Variants in EPHA6 observed in about 807,000 individuals in gnomAD.
EPHA6 encodes the protein EPH receptor A6.
A neutral mutation model predicts 112.0 loss-of-function variants in EPHA6; 50 were observed. The observed-to-expected ratio is 0.45, with a 90% CI of 0.36 to 0.56. EPHA6 has a LOEUF of 0.56. Ranked by LOEUF, EPHA6 falls within the 20% of genes least tolerant of loss-of-function variation. EPHA6 has a pLI of 0.00. For missense variants in EPHA6, 1,280 were observed against 1,417.4 expected, an observed-to-expected ratio of 0.90 and a Z score of 1.56; for synonymous variants, 529 against 490.7, an observed-to-expected ratio of 1.08 and a Z score of -1.03.
chr3:97,497,142 T>C (rs1486199482), intron 10 of EPHA6, among the ~76,000 whole-genome samples: 2 of 152,188 alleles, frequency 1.3e-5, no homozygotes, highest in African/African-American at 4.8e-5. Flanking sequence ...GTAAACCAGA[T>C]TGTGTCCCTC....
chr3:97,313,831 T>C (rs1229536219), intron 5 of EPHA6, among the ~76,000 whole-genome samples: 3 of 151,692 alleles, frequency 2.0e-5, no homozygotes, highest in East Asian at 3.9e-4. Flanking sequence ...CTGGATTGTC[T>C]CTTCACTCTA....
intron 5 of EPHA6, among the ~76,000 whole-genome samples, chr3:97,348,373 C>T (rs557543356): frequency 1.7e-4 from 26 of 151,948 alleles, no homozygotes; most frequent in East Asian, 5.8e-4. Context: ...CAAGTGAATG[C>T]GCATACATAT....
In EPHA6 at chr3:97,405,248, G is replaced by A. The variant is rs2109128333; in HGVS notation, c.1705G>A (p.Asp569Asn). The A allele has an allele frequency of 6.2e-7, 1 of 1,611,646 alleles. No individual in the cohort carries two copies. The highest frequency in any genetic ancestry group is 1.1e-5 in the South Asian group (1 of 90,608). The change falls in exon 6 of 18, where the codon GAC becomes AAC. Residue 569 changes from aspartate (D) to asparagine (N), a missense_variant. Coordinates refer to ENST00000389672, the MANE Select transcript of EPHA6 (RefSeq NM_001080448.3). ...TGCTTTTTCCAATGGAGCCATTCTG[G>A]ACTACGAGATCAAGTACTATGAGAA... ...APAFSNGAIL[D>N]YEIKYYEKEH... is the part of the protein sequence containing the mutation.
chr3:97,040,644 C>T (rs575566259), intron 3 of EPHA6, among the ~76,000 whole-genome samples: 6 of 151,952 alleles, frequency 3.9e-5, no homozygotes, highest in Non-Finnish European at 7.4e-5. Flanking sequence ...CTATAATGAT[C>T]CAAGCATTCA....
intron 12 of EPHA6, among the ~76,000 whole-genome samples, chr3:97,599,632 G>C (rs1372588514): frequency 3.2e-4 from 48 of 151,452 alleles, no homozygotes; most frequent in African/African-American, 1.2e-3. Context: ...CTATATCTCT[G>C]TTTTGGTACC....
chr3:96,823,843 T>C (rs1473093882), intron 1 of EPHA6, among the ~76,000 whole-genome samples: 1 of 151,820 alleles, frequency 6.6e-6, no homozygotes, highest in African/African-American at 2.4e-5. Flanking sequence ...CAGAAAGAGA[T>C]CTTCATTTTC....
intron 5 of EPHA6, among the ~76,000 whole-genome samples, chr3:97,289,570 T>G (rs1403386133): frequency 6.6e-6 from 1 of 152,192 alleles, no homozygotes; most frequent in Non-Finnish European, 1.5e-5. Context: ...CAGTTCTTTT[T>G]GGTTCCATAT....
chr3:97,171,201 G>C (rs180829515), intron 3 of EPHA6, among the ~76,000 whole-genome samples: 1 of 152,248 alleles, frequency 6.6e-6, no homozygotes, highest in East Asian at 1.9e-4. Flanking sequence ...TGTTAAATCA[G>C]TGTTTTTCAA....
rs575507251 is a variant in EPHA6, at chr3:97,450,592, T to G, written c.1894+1862T>G. The stretch of plus-strand genomic sequence containing the variant: ...CTGATTTAAATATTAACAGTTTGAT[T>G]TGGTTTTAACATTAGATTTCAACTC... On this transcript the variant is annotated intron_variant, in intron 7 of 17. Coordinates refer to ENST00000389672, the MANE Select transcript of EPHA6 (RefSeq NM_001080448.3). Among the ~76,000 whole-genome samples, 20 of 152,186 alleles carry G rather than the reference T, an allele frequency of 1.3e-4. No individual in the cohort carries two copies. The South Asian group carries it at 1.9e-3, about 14-fold the overall frequency.
chr3:97,235,262 A>T (rs1226621407), intron 4 of EPHA6, among the ~76,000 whole-genome samples: 1 of 152,050 alleles, frequency 6.6e-6, no homozygotes, highest in East Asian at 1.9e-4. Flanking sequence ...GGCATATAGT[A>T]GACACTAAGA....
intron 3 of EPHA6, among the ~76,000 whole-genome samples, chr3:97,190,844 G>A (rs1230566509): frequency 1.3e-5 from 2 of 151,838 alleles, no homozygotes; most frequent in Non-Finnish European, 2.9e-5. Flanking sequence ...ATGTGCACAT[G>A]TACCCTAAAA....
At chr3:97,237,798 A>G (rs2078724969) in intron 4 of EPHA6, among the ~76,000 whole-genome samples, 1 of 151,992 alleles carries the variant, frequency 6.6e-6, no homozygotes, top group South Asian at 2.1e-4. Flanking sequence ...TAATTTACTC[A>G]AACATGAAAA....
At chr3:97,389,602 T>G (rs2086282292) in intron 5 of EPHA6, among the ~76,000 whole-genome samples, 3 of 152,284 alleles carry the variant, frequency 2.0e-5, no homozygotes, top group Admixed American at 2.0e-4. Flanking sequence ...TTTTACAAGG[T>G]TTAAAAACAT....
At chr3:96,881,419 T>G (rs1424092374) in intron 2 of EPHA6, among the ~76,000 whole-genome samples, 2 of 152,240 alleles carry the variant, frequency 1.3e-5, no homozygotes, top group South Asian at 4.1e-4. Flanking sequence ...CAGAAACCAC[T>G]TAAAAAACTA....
intron 5 of EPHA6, among the ~76,000 whole-genome samples, chr3:97,389,796 T>G (rs892931224): frequency 6.6e-6 from 1 of 152,152 alleles, no homozygotes; most frequent in Admixed American, 6.6e-5. Flanking sequence ...CCTATTAACT[T>G]ATGCAATAAA....
chr3:96,908,545 T>C (rs1360134206), intron 2 of EPHA6, among the ~76,000 whole-genome samples: 1 of 151,876 alleles, frequency 6.6e-6, no homozygotes, highest in Non-Finnish European at 1.5e-5. Context: ...TAGGGTAAAC[T>C]TATATGTTTT....
chr3:97,246,075 G>A (rs1223332360), intron 5 of EPHA6, among the ~76,000 whole-genome samples: 1 of 151,864 alleles, frequency 6.6e-6, no homozygotes, highest in African/African-American at 2.4e-5. Flanking sequence ...ATTCAAAATA[G>A]AATTCCTATT....
intron 7 of EPHA6, among the ~76,000 whole-genome samples, chr3:97,455,035 A>G (rs1345711169): frequency 1.3e-5 from 2 of 152,006 alleles, no homozygotes; most frequent in African/African-American, 4.8e-5. Flanking sequence ...AAATGCAAAC[A>G]TCAGTGGGAA....
chr3:96,930,174 C>G (rs140339998), intron 2 of EPHA6, among the ~76,000 whole-genome samples: 30 of 152,270 alleles, frequency 2.0e-4, no homozygotes, highest in African/African-American at 7.2e-4. Flanking sequence ...GTTACTTTAG[C>G]TCAGCAAAGT....
Sources: allele counts gnomAD v4.1 joint callset (sites outside exome capture counted in the v4.1 genomes callset), GRCh38; gene constraint gnomAD v4.1.1; transcripts MANE v1.5; gene names NCBI Gene and HGNC (gene_info 2026-07-23, HGNC 2026-07-21).